PDE9A: variants seen among roughly 807,000 people sequenced by gnomAD.
PDE9A encodes phosphodiesterase 9A.
PDE9A carries 60 observed loss-of-function variants against 87.4 expected under a neutral mutation model. The ratio of observed to expected loss-of-function variants is 0.69; its 90% CI spans 0.56 to 0.85. The LOEUF is 0.85. PDE9A is among the 40% of genes least tolerant of loss of function. The pLI is 0.00. For synonymous variants in PDE9A, 272 were observed against 279.4 expected (o/e 0.97, Z 0.27); for missense variants, 665 against 779.0 (o/e 0.85, Z 1.74).
At chr21:42,767,197 A>G (rs566246275) in intron 15 of PDE9A, among the ~76,000 whole-genome samples, 4 of 151,982 alleles carry the variant, frequency 2.6e-5, no homozygotes, top group Admixed American at 6.5e-5. Flanking sequence ...ATGGGCCCCA[A>G]TAGGGAGGCC....
chr21:42,739,861 C>T lies in PDE9A; in HGVS notation c.569-3915C>T, dbSNP rs1436964274. 6.6e-6 allele frequency among the ~76,000 whole-genome samples: 1 copy of T among 152,078 alleles called. No homozygotes were observed. The highest frequency in any genetic ancestry group is 1.5e-5 in the Non-Finnish European group (1 of 68,014). Reference sequence around the variant, plus strand: ...GCAGCAAAAATGTGATCTGAACTGACATGAAGCCCTTGGTATTTATTTATC... The same window carrying T: ...GCAGCAAAAATGTGATCTGAACTGATATGAAGCCCTTGGTATTTATTTATC... On this transcript the variant is annotated intron_variant, in intron 7 of 19. Coordinates refer to ENST00000291539, the MANE Select transcript of PDE9A (RefSeq NM_002606.3). This position sits in a 1 kb window ranked among gnomAD's most constrained non-coding sequence, Gnocchi z 4.1.
At chr21:42,714,236 C>T (rs979180094) in intron 4 of PDE9A, among the ~76,000 whole-genome samples, 5 of 152,122 alleles carry the variant, frequency 3.3e-5, no homozygotes, top group African/African-American at 9.7e-5. Flanking sequence ...CCAGGATGGT[C>T]TCGCTCTCCT....
At position 42,723,701 on chromosome 21, in the gene PDE9A, G is replaced by A. The variant is rs2050752720; in HGVS notation, c.263-8069G>A. On this transcript the variant is annotated intron_variant, in intron 4 of 19. Coordinates refer to ENST00000291539, the MANE Select transcript of PDE9A (RefSeq NM_002606.3). This position sits in a 1 kb window ranked among gnomAD's most constrained non-coding sequence, Gnocchi z 4.3. ...TGTGAATATCAGCTTGCTCTCCCTA[G>A]GTTTCCATCACATGGATCAGCGAGA... Among the ~76,000 whole-genome samples, 1 of 152,082 alleles carries A rather than the reference G, an allele frequency of 6.6e-6. No homozygotes were observed. Among genetic ancestry groups the A allele is most frequent in the Non-Finnish European group, 1.5e-5 (1 of 68,030 alleles).
chr21:42,721,982 C>CT lies in PDE9A; in HGVS notation c.263-9776dup, dbSNP rs11291213. On this transcript the variant is annotated intron_variant, in intron 4 of 19. Transcript: ENST00000291539. ...AGGATAGCAGAGGTATTTTTCTTTTCTTTTTTTTTTTTGAGATGGAATCTT... is the reference window on the plus strand; with the variant it reads ...AGGATAGCAGAGGTATTTTTCTTTTCTTTTTTTTTTTTTGAGATGGAATCTT... Among the ~76,000 whole-genome samples the CT allele has an allele frequency of 6.1e-3, 900 of 146,524 alleles. 5 individuals are homozygous for CT. The highest frequency in any genetic ancestry group is 0.019 in the African/African-American group (745 of 39,898).
intron 1 of PDE9A, among the ~76,000 whole-genome samples, chr21:42,662,938 C>T (rs560068700): frequency 2.0e-5 from 3 of 147,410 alleles, no homozygotes; most frequent in African/African-American, 7.6e-5. Flanking sequence ...CACATGCACA[C>T]CACGCACACG....
At chr21:42,740,754 AGGATAGAT>A (rs1569229164) in intron 7 of PDE9A, among the ~76,000 whole-genome samples, 1 of 98,482 alleles carries the variant, frequency 1.0e-5, no homozygotes, top group African/African-American at 3.8e-5. Flanking sequence ...ATAGATAAAC[AGGATAGAT>A]AGATAGATAG....
intron 1 of PDE9A, among the ~76,000 whole-genome samples, chr21:42,677,292 C>T: frequency 6.6e-6 from 1 of 152,246 alleles, no homozygotes; most frequent in East Asian, 1.9e-4. Context: ...TAAGCGATAA[C>T]AGCAAGACAA....
intron 4 of PDE9A, among the ~76,000 whole-genome samples, chr21:42,724,282 C>G (rs1249843543): frequency 6.6e-6 from 1 of 152,140 alleles, no homozygotes; most frequent in Non-Finnish European, 1.5e-5. Context: ...ATCCGTGATG[C>G]GGAAACACTA....
chr21:42,734,426 CTT>C (rs983257627), intron 7 of PDE9A: 1 of 152,256 alleles, frequency 6.6e-6, no homozygotes, highest in African/African-American at 2.4e-5. Context: ...CAAGTGAACT[CTT>C]TGTCAATGAC....
chr21:42,701,580 G>A (rs71320547), intron 4 of PDE9A, among the ~76,000 whole-genome samples: 3,363 of 151,958 alleles, frequency 0.022, 66 homozygotes, highest in South Asian at 0.038. Flanking sequence ...GGGACTATAG[G>A]CACACACCAC....
At chr21:42,730,223 G>C (rs962020099) in intron 4 of PDE9A, among the ~76,000 whole-genome samples, 1 of 152,182 alleles carries the variant, frequency 6.6e-6, no homozygotes. Context: ...AGGGCCTTGA[G>C]CTCGCACCAG....
At chr21:42,726,618 A>ATTTTTTT (rs1486108848) in intron 4 of PDE9A, among the ~76,000 whole-genome samples, 14 of 23,042 alleles carry the variant, frequency 6.1e-4, no homozygotes, top group African/African-American at 2.0e-3. Flanking sequence ...ATATATATAT[A>ATTTTTTT]TATATATTTT....
At chr21:42,736,659 A>G (rs9979235) in intron 7 of PDE9A, among the ~76,000 whole-genome samples, 17,170 of 152,274 alleles carry the variant, frequency 0.11, 1,751 homozygotes, top group East Asian at 0.37. Flanking sequence ...TCTAAGGAGT[A>G]GAGAAGGAGG....
intron 18 of PDE9A, among the ~76,000 whole-genome samples, chr21:42,771,334 G>C (rs1176012690): frequency 6.6e-6 from 1 of 152,212 alleles, no homozygotes; most frequent in East Asian, 1.9e-4. Context: ...ATATCATTTT[G>C]GAGGAAGGGG....
At position 42,723,853 on chromosome 21, in the gene PDE9A, C is replaced by T. The variant is rs1253630410; in HGVS notation, c.263-7917C>T. On this transcript the variant is annotated intron_variant, in intron 4 of 19. Transcript: ENST00000291539. This position sits in a 1 kb window ranked among gnomAD's most constrained non-coding sequence, Gnocchi z 4.3. ...CCTGTGAATTACCAGCATCCCAGGC[C>T]ATTGCTGGGTTTTCTTAAAACTATT... is the stretch of plus-strand genomic sequence containing the variant. 6.6e-6 allele frequency among the ~76,000 whole-genome samples: 1 copy of T among 152,274 alleles called. No homozygotes were observed. The highest frequency in any genetic ancestry group is 2.4e-5 in the African/African-American group (1 of 41,546).
At chr21:42,771,923 G>A (rs543798652) in intron 18 of PDE9A, among the ~76,000 whole-genome samples, 1 of 152,298 alleles carries the variant, frequency 6.6e-6, no homozygotes, top group African/African-American at 2.4e-5. Context: ...TTATGCAGAG[G>A]GACAGATGTA....
At position 42,660,911 on chromosome 21, in the gene PDE9A, C is replaced by T. The variant is rs187239725; in HGVS notation, c.69+7028C>T. Among the ~76,000 whole-genome samples the T allele has an allele frequency of 6.6e-4, 101 of 152,336 alleles. 4 individuals are homozygous for T. In the East Asian group the frequency reaches 0.019, roughly 28 times the overall value. On this transcript the variant is annotated intron_variant, in intron 1 of 19. Transcript: ENST00000291539. The surrounding 1 kb of genome is among the most constrained non-coding windows in gnomAD (Gnocchi z 4.7). The stretch of plus-strand genomic sequence containing the variant: ...GACCACATCTCCCCAAATCCCGAAG[C>T]TGGTCACGCAACGGGAGCATTGGCC...
At position 42,655,794 on chromosome 21, in the gene PDE9A, G is replaced by A. The variant is rs58620778; in HGVS notation, c.69+1911G>A. ...CCTTTTGTGGTGCAAACAGGGAGGC[G>A]CCAGACGGGTCTCCAACCCCCACCC... On this transcript the variant is annotated intron_variant, in intron 1 of 19. Transcript: ENST00000291539. Among the ~76,000 whole-genome samples the A allele has an allele frequency of 6.4e-3, 972 of 152,226 alleles. 9 individuals carry two copies. Among genetic ancestry groups the A allele is most frequent in the African/African-American group, 0.022 (917 of 41,508 alleles).
At chr21:42,715,303 C>G (rs2146513026) in intron 4 of PDE9A, among the ~76,000 whole-genome samples, 1 of 151,140 alleles carries the variant, frequency 6.6e-6, no homozygotes, top group East Asian at 2.0e-4. Context: ...CATTCAGCCT[C>G]TGCCACCGTC....
Sources: allele counts gnomAD v4.1 joint callset (sites outside exome capture counted in the v4.1 genomes callset), GRCh38; gene constraint gnomAD v4.1.1; non-coding constraint Gnocchi (gnomAD v3.1); transcripts MANE v1.5; gene names NCBI Gene and HGNC (gene_info 2026-07-23, HGNC 2026-07-21).